Variants in TOMM70 observed in about 807,000 individuals in gnomAD.
The protein encoded by TOMM70 is mitochondrial import receptor subunit TOM70.
TOMM70 carries 13 observed loss-of-function variants against 73.6 expected under a neutral mutation model. The observed-to-expected ratio is 0.18, with a 90% CI of 0.11 to 0.28. The LOEUF (loss-of-function observed/expected upper bound fraction) is 0.28, where lower values mean the gene tolerates loss of function less well. Ranked by LOEUF, TOMM70 falls within the 10% of genes least tolerant of loss-of-function variation. TOMM70 has a pLI of 1.00. For missense variants in TOMM70, 609 were observed against 747.5 expected, an observed-to-expected ratio of 0.81 and a Z score of 2.16; for synonymous variants, 257 against 271.2, an observed-to-expected ratio of 0.95 and a Z score of 0.51.
At chr3:100,376,486 CCTGAGTAG>C (rs1177355709) in intron 6 of TOMM70, among the ~76,000 whole-genome samples, 2 of 151,376 alleles carry the variant, frequency 1.3e-5, no homozygotes, top group African/African-American at 4.9e-5. Context: ...ATCTCAGCCT[CCTGAGTAG>C]CTATGACTAC....
rs137905096 is a variant in TOMM70, at chr3:100,369,222, CTTCA to C, written c.1453-91_1453-88del. 6.3e-5 allele frequency: 57 copies of C among 904,694 alleles called. No homozygotes were observed. In the African/African-American group the frequency reaches 6.6e-4, roughly 10 times the overall value. 56.0% of individuals were successfully genotyped at this position (904,694 alleles called of 1,614,324 possible). On this transcript the variant is annotated intron_variant, in intron 9 of 11. Transcript: ENST00000284320. ...ACTTATTATTCATTATAAAAATTTACTTCATTCATTATTACAAAATTATCACGTT... is the reference window on the plus strand; with the variant it reads ...ACTTATTATTCATTATAAAAATTTACTTCATTATTACAAAATTATCACGTT...
intron 9 of TOMM70, among the ~76,000 whole-genome samples, chr3:100,370,113 A>T (rs1706492681): frequency 6.6e-6 from 1 of 152,224 alleles, no homozygotes; most frequent in African/African-American, 2.4e-5. Context: ...TAAAAATATC[A>T]AAGAAATGTA....
intron 5 of TOMM70, among the ~76,000 whole-genome samples, chr3:100,379,792 ATTC>A (rs1356613556): frequency 6.6e-6 from 1 of 151,878 alleles, no homozygotes; most frequent in Non-Finnish European, 1.5e-5. Flanking sequence ...AATTTTTGTT[ATTC>A]TTCTGTAGAG....
At chr3:100,381,406 T>C (rs1188545287) in intron 5 of TOMM70, among the ~76,000 whole-genome samples, 1 of 152,136 alleles carries the variant, frequency 6.6e-6, no homozygotes, top group Non-Finnish European at 1.5e-5. Context: ...AGTAAAACCC[T>C]GAGTTACCAG....
chr3:100,395,136 G>A (rs185699555), intron 1 of TOMM70, among the ~76,000 whole-genome samples: 12 of 152,232 alleles, frequency 7.9e-5, no homozygotes, highest in African/African-American at 2.2e-4. Context: ...TTGGGAGGCC[G>A]AGGCAGGCAG....
chr3:100,393,683 C>T (rs945699490), intron 1 of TOMM70, among the ~76,000 whole-genome samples: 22 of 152,188 alleles, frequency 1.4e-4, no homozygotes, highest in Admixed American at 3.3e-4. Context: ...TACCCCTCAG[C>T]TCTTAATGAC....
In TOMM70 at chr3:100,384,486, T is replaced by C; in HGVS notation, c.728A>G (p.Lys243Arg). The change falls in exon 4 of 12, where the codon AAA (lysine) becomes AGA (arginine). Residue 243 changes from lysine (K) to arginine (R), a missense_variant. Lys to Arg is a conservative substitution (Grantham distance 26, BLOSUM62 2). Around this residue, in one of 2 missense-constraint regions of TOMM70, gnomAD observed 432 missense variants for 584.1 expected, o/e 0.74. Coordinates refer to ENST00000284320, the MANE Select transcript of TOMM70 (RefSeq NM_014820.5). Reference sequence around the variant, plus strand: ...CAAATCAGATCAATTTACCTTATATTTTTCTTTGGCTTTCTCTTTTCCAAG... The same window carrying C: ...CAAATCAGATCAATTTACCTTATATCTTTCTTTGGCTTTCTCTTTTCCAAG... Reference protein sequence around the residue: ...KLLGKEKAKEKYKNREPLMPS... With the variant: ...KLLGKEKAKERYKNREPLMPS... 6.2e-7 allele frequency: 1 copy of C among 1,604,612 alleles called. No individual in the cohort carries two copies. Among genetic ancestry groups the C allele is most frequent in the Non-Finnish European group, 8.5e-7 (1 of 1,175,836 alleles).
Position 100,375,009 on chromosome 3 carries a change from C to G in TOMM70, c.1227+9G>C, listed in dbSNP as rs369224783. ...CAAGTCAGACCTCTAGGTAAGAAAA[C>G]AGACTTACCTGTCCTCGGTGGTGAT... On this transcript the variant is annotated intron_variant, in intron 7 of 11. Transcript: ENST00000284320. 2 of 1,575,040 alleles carry G rather than the reference C, an allele frequency of 1.3e-6. No individual in the cohort carries two copies. Among genetic ancestry groups the G allele is most frequent in the East Asian group, 4.6e-5 (2 of 43,122 alleles).
intron 1 of TOMM70, among the ~76,000 whole-genome samples, chr3:100,391,786 A>C (rs2148894129): frequency 6.6e-6 from 1 of 152,342 alleles, no homozygotes; most frequent in East Asian, 1.9e-4. Flanking sequence ...CAGTAAGCTA[A>C]GGTTAATTAT....
rs772926314 is a variant in TOMM70, at chr3:100,372,717, G to C, written c.1341C>G (p.Arg447=). Residue 447 remains arginine (R), a synonymous_variant, in exon 9 of 12, where the codon CGC becomes CGG. Transcript: ENST00000284320. ...AAGAGTTGTTTCCCGTATATGCCTG[G>C]CGGTACTATAAAAAATCAAAACAGG... is the stretch of plus-strand genomic sequence containing the variant. ...AQAQKCFALY[R]QAYTGNNSSQ... is the part of the protein sequence containing the mutation. 6.2e-7 allele frequency: 1 copy of C among 1,612,444 alleles called. No homozygotes were observed. The highest frequency in any genetic ancestry group is 8.5e-7 in the Non-Finnish European group (1 of 1,179,368).
intron 1 of TOMM70, among the ~76,000 whole-genome samples, chr3:100,388,687 A>T (rs1050599673): frequency 6.6e-6 from 1 of 152,320 alleles, no homozygotes; most frequent in East Asian, 1.9e-4. Context: ...CTCAAATATA[A>T]AAGTAGTATC....
At chr3:100,389,448 A>T (rs1220559765) in intron 1 of TOMM70, among the ~76,000 whole-genome samples, 1 of 152,254 alleles carries the variant, frequency 6.6e-6, no homozygotes, top group Admixed American at 6.5e-5. Flanking sequence ...AATAAATGTG[A>T]GTAGTTTAGA....
At chr3:100,376,448 T>C (rs1352344079) in intron 6 of TOMM70, among the ~76,000 whole-genome samples, 3 of 148,638 alleles carry the variant, frequency 2.0e-5, no homozygotes, top group African/African-American at 7.6e-5. Context: ...ACCGCAGACT[T>C]GACCTCCCAG....
At chr3:100,383,797 A>G (rs2148892248) in intron 4 of TOMM70, among the ~76,000 whole-genome samples, 1 of 152,356 alleles carries the variant, frequency 6.6e-6, no homozygotes, top group East Asian at 1.9e-4. Context: ...AGTGATGTTT[A>G]GTGATGCCTA....
intron 1 of TOMM70, among the ~76,000 whole-genome samples, chr3:100,397,175 ACCGAGGATG>A (rs1278586242): frequency 6.6e-6 from 1 of 152,232 alleles, no homozygotes; most frequent in Non-Finnish European, 1.5e-5. Context: ...TGCGAAATCC[ACCGAGGATG>A]CCAATTTAGA....
intron 9 of TOMM70, among the ~76,000 whole-genome samples, chr3:100,370,315 G>GT (rs796230717): frequency 1.3e-5 from 2 of 152,232 alleles, no homozygotes; most frequent in African/African-American, 4.8e-5. Flanking sequence ...AGGCAGTGCT[G>GT]TATCTTGCTT....
rs1347737708 is a variant in TOMM70, at chr3:100,401,076, G to A, written c.-127C>T. ...AGCGAGCACGCTAGGCAGAGAGAGC[G>A]GACGACAGAAAAGGGCCAGAGGTCA... On this transcript the variant is annotated 5_prime_UTR_variant, in exon 1 of 12. Transcript: ENST00000284320. 12 of 1,085,732 alleles carry A rather than the reference G, an allele frequency of 1.1e-5. No homozygotes were observed. The Admixed American group carries it at 1.9e-4, about 17-fold the overall frequency. The allele number at this position is 1,085,732 out of a possible 1,614,324, so 67.3% of individuals were successfully genotyped here. A position where few individuals can be genotyped will look rare whatever the true frequency, so the allele number is the denominator to read the frequency against.
intron 11 of TOMM70, among the ~76,000 whole-genome samples, chr3:100,367,425 G>C (rs1229632794): frequency 6.6e-6 from 1 of 152,142 alleles, no homozygotes; most frequent in Non-Finnish European, 1.5e-5. Context: ...TGTGGTATCA[G>C]TGATATATGA....
In TOMM70 at chr3:100,369,052, T is replaced by C. The variant is rs990669438; in HGVS notation, c.1536A>G (p.Thr512=). 20 of 1,606,176 alleles carry C rather than the reference T, an allele frequency of 1.2e-5. No individual in the cohort carries two copies. Among genetic ancestry groups the C allele is most frequent in the Middle Eastern group, 1.6e-4 (1 of 6,070 alleles). ...CIDLEPDNAT[T]YVHKGLLQLQ... The stretch of plus-strand genomic sequence containing the variant: ...AAAATACATACCCTTTATGAACATA[T>C]GTTGTAGCATTATCTGGTTCCAAAT... The change falls in exon 10 of 12, where the codon ACA becomes ACG. Residue 512 remains threonine (T), a synonymous_variant. Coordinates refer to ENST00000284320, the MANE Select transcript of TOMM70 (RefSeq NM_014820.5).
Sources: allele counts gnomAD v4.1 joint callset (sites outside exome capture counted in the v4.1 genomes callset), GRCh38; gene constraint gnomAD v4.1.1; regional missense constraint gnomAD v4.1.1; transcripts MANE v1.5; gene names NCBI Gene and HGNC (gene_info 2026-07-23, HGNC 2026-07-21).